SNTG1: variants seen among roughly 807,000 people sequenced by gnomAD.
SNTG1 encodes the protein syntrophin gamma 1, also known as gamma-1-syntrophin.
SNTG1 carries 39 observed loss-of-function variants against 74.7 expected under a neutral mutation model. That is an observed-to-expected ratio of 0.52 (90% CI 0.40 to 0.68). The LOEUF (loss-of-function observed/expected upper bound fraction) is 0.68. Among genes scored for constraint, SNTG1 ranks in the 30% least tolerant of loss-of-function variants. SNTG1 has a pLI of 0.00. For synonymous variants in SNTG1, 254 were observed against 217.1 expected, an observed-to-expected ratio of 1.17 and a Z score of -1.49; for missense variants, 685 against 609.5, an observed-to-expected ratio of 1.12 and a Z score of -1.30.
intron 13 of SNTG1, among the ~76,000 whole-genome samples, chr8:50,635,250 A>T (rs1242305003): frequency 6.6e-6 from 1 of 152,152 alleles, no homozygotes; most frequent in East Asian, 1.9e-4. Context: ...CTGTAAAACT[A>T]AAGTGACAAC....
At chr8:50,024,196 C>G (rs1041126486) in intron 1 of SNTG1, among the ~76,000 whole-genome samples, 1 of 152,038 alleles carries the variant, frequency 6.6e-6, no homozygotes, top group South Asian at 2.1e-4. Context: ...TTAAGAGAAA[C>G]CTTATCATGG....
intron 2 of SNTG1, among the ~76,000 whole-genome samples, chr8:50,386,691 G>A (rs577985988): frequency 3.5e-4 from 53 of 152,220 alleles, no homozygotes; most frequent in Non-Finnish European, 6.9e-4. Flanking sequence ...GAGCCAGCAT[G>A]TCATGTGGTA....
intron 4 of SNTG1, among the ~76,000 whole-genome samples, chr8:50,410,534 T>C (rs1478179234): frequency 6.6e-6 from 1 of 152,224 alleles, no homozygotes; most frequent in East Asian, 1.9e-4. Flanking sequence ...TTGATAGATA[T>C]ATATACATAC....
chr8:50,324,238 G>A (rs1026781214), intron 2 of SNTG1, among the ~76,000 whole-genome samples: 3 of 152,158 alleles, frequency 2.0e-5, no homozygotes, highest in African/African-American at 4.8e-5. Context: ...ATTCTCTGCT[G>A]TAGCAGGGCA....
intron 2 of SNTG1, among the ~76,000 whole-genome samples, chr8:50,380,121 A>C (rs1422254225): frequency 6.6e-6 from 1 of 152,230 alleles, no homozygotes; most frequent in Non-Finnish European, 1.5e-5. Flanking sequence ...TGCCACTATT[A>C]TATTGATTTT....
intron 2 of SNTG1, among the ~76,000 whole-genome samples, chr8:50,331,895 TA>T (rs1236944221): frequency 5.9e-5 from 9 of 152,350 alleles, no homozygotes; most frequent in Admixed American, 2.0e-4. Flanking sequence ...AGTGTTCATT[TA>T]AAATATTTTA....
chr8:50,204,032 G>C (rs2084098555), intron 2 of SNTG1, among the ~76,000 whole-genome samples: 1 of 151,948 alleles, frequency 6.6e-6, no homozygotes, highest in East Asian at 1.9e-4. Flanking sequence ...ATACCCCCTG[G>C]AAAAATTTAG....
chr8:50,496,556 G>A (rs116086396), intron 8 of SNTG1, among the ~76,000 whole-genome samples: 76 of 152,126 alleles, frequency 5.0e-4, no homozygotes, highest in African/African-American at 1.8e-3. Flanking sequence ...AAAGGGCAAA[G>A]AACCAAAAAA....
chr8:50,604,795 G>T (rs540421678), intron 13 of SNTG1, among the ~76,000 whole-genome samples: 2 of 137,348 alleles, frequency 1.5e-5, no homozygotes, highest in African/African-American at 6.2e-5. Flanking sequence ...TTTTTTCCTC[G>T]CTTTTCTCAA....
intron 15 of SNTG1, among the ~76,000 whole-genome samples, chr8:50,701,411 T>C (rs2095423100): frequency 2.0e-5 from 3 of 152,178 alleles, no homozygotes; most frequent in Admixed American, 6.5e-5. Flanking sequence ...TTTCTTTGAA[T>C]TTCTGAAATG....
At chr8:50,637,978 A>G (rs960259189) in intron 13 of SNTG1, among the ~76,000 whole-genome samples, 1 of 152,128 alleles carries the variant, frequency 6.6e-6, no homozygotes, top group Non-Finnish European at 1.5e-5. Flanking sequence ...CTTTCAAAAC[A>G]TGACTTATCT....
intron 8 of SNTG1, among the ~76,000 whole-genome samples, chr8:50,460,456 T>C (rs938899778): frequency 6.6e-6 from 1 of 152,208 alleles, no homozygotes; most frequent in Non-Finnish European, 1.5e-5. Context: ...CTTTTGATGG[T>C]TTCTTTTGCT....
chr8:50,766,032 T>C (rs2095612663), intron 18 of SNTG1, among the ~76,000 whole-genome samples: 1 of 151,970 alleles, frequency 6.6e-6, no homozygotes, highest in Non-Finnish European at 1.5e-5. Flanking sequence ...AAAATACCTG[T>C]AAACTGCTGC....
intron 1 of SNTG1, among the ~76,000 whole-genome samples, chr8:49,956,072 T>C (rs576877085): frequency 6.6e-6 from 1 of 152,360 alleles, no homozygotes; most frequent in South Asian, 2.1e-4. Context: ...AAGTGTTACA[T>C]ACATCAATTG....
intron 8 of SNTG1, among the ~76,000 whole-genome samples, chr8:50,474,350 A>C (rs1213550666): frequency 6.6e-6 from 1 of 151,848 alleles, no homozygotes; most frequent in Non-Finnish European, 1.5e-5. Context: ...AATATCCAGA[A>C]TCTACAATGA....
intron 15 of SNTG1, among the ~76,000 whole-genome samples, chr8:50,682,566 G>A (rs1285378297): frequency 6.6e-6 from 1 of 152,202 alleles, no homozygotes; most frequent in Non-Finnish European, 1.5e-5. Context: ...CTGACACACT[G>A]ATTCCTTGAA....
At chr8:50,715,432 G>T (rs867299960) in intron 17 of SNTG1, among the ~76,000 whole-genome samples, 1 of 151,986 alleles carries the variant, frequency 6.6e-6, no homozygotes, top group Non-Finnish European at 1.5e-5. Context: ...ACTTATAAAG[G>T]CTTCTTTACT....
intron 2 of SNTG1, 27 bp from the exon 3 acceptor site, chr8:50,394,184 AT>A: frequency 6.3e-7 from 1 of 1,595,352 alleles, no homozygotes; most frequent in African/African-American, 1.3e-5. Flanking sequence ...GCTGTGCCTA[AT>A]GGCTTACCAT....
chr8:50,502,183 GC>G (rs764606132), intron 8 of SNTG1, among the ~76,000 whole-genome samples: 1 of 152,066 alleles, frequency 6.6e-6, no homozygotes, highest in Non-Finnish European at 1.5e-5. Context: ...TAACAGGTTT[GC>G]AGGGGAAAGA....
Sources: allele counts gnomAD v4.1 joint callset (sites outside exome capture counted in the v4.1 genomes callset), GRCh38; gene constraint gnomAD v4.1.1; transcripts MANE v1.5; gene names NCBI Gene and HGNC (gene_info 2026-07-23, HGNC 2026-07-21).